POGLUT1: variants seen among roughly 807,000 people sequenced by gnomAD.
POGLUT1 encodes protein O-glucosyltransferase 1, also known as 9630046K23Rik.
A neutral mutation model predicts 61.3 loss-of-function variants in POGLUT1; 32 were observed. The ratio of observed to expected loss-of-function variants is 0.52; its 90% confidence interval spans 0.39 to 0.70. POGLUT1 has a LOEUF of 0.70. Among genes scored for constraint, POGLUT1 ranks in the 30% least tolerant of loss-of-function variants. POGLUT1 has a pLI of 0.00. For synonymous variants in POGLUT1, 158 were observed against 158.2 expected (o/e 1.00, Z 0.01); for missense variants, 411 against 469.8 (o/e 0.87, Z 1.16).
At chr3:119,470,374 G>T (rs535096393) in intron 2 of POGLUT1, among the ~76,000 whole-genome samples, 1 of 152,086 alleles carries the variant, frequency 6.6e-6, no homozygotes, top group Non-Finnish European at 1.5e-5. Context: ...TCAGAATTTC[G>T]AGACCAGCCT....
chr3:119,488,646 AAAG>A (rs1339116573), intron 7 of POGLUT1: 4 of 239,004 alleles, frequency 1.7e-5, no homozygotes, highest in African/African-American at 8.9e-5. Flanking sequence ...ATCTGAATTC[AAAG>A]GAGGGCAACA....
Position 119,492,529 on chromosome 3 carries a change from T to G in POGLUT1, c.*91T>G. The stretch of plus-strand genomic sequence containing the variant: ...TACCATAAGCTTGGCACCTATACCT[T>G]GAATATCTGCTATCAAGCCAAATAC... On this transcript the variant is annotated 3_prime_UTR_variant, in exon 11 of 11. Coordinates refer to ENST00000295588, the MANE Select transcript of POGLUT1 (RefSeq NM_152305.3). The G allele has an allele frequency of 1.3e-6, 1 of 776,746 alleles. No homozygotes were observed. The highest frequency in any genetic ancestry group is 2.0e-6 in the Non-Finnish European group (1 of 507,906). 48.1% of individuals were successfully genotyped at this position (776,746 alleles called of 1,614,324 possible).
chr3:119,477,359 C>T lies in POGLUT1; in HGVS notation c.367C>T (p.Pro123Ser). 2 of 1,613,998 alleles carry T rather than the reference C, an allele frequency of 1.2e-6. No individual in the cohort carries two copies. The highest frequency in any genetic ancestry group is 2.2e-5 in the South Asian group (2 of 91,086). Residue 123 changes from proline (P) to serine (S), a missense_variant, in exon 4 of 11, where the codon CCT becomes TCT. Coordinates refer to ENST00000295588, the MANE Select transcript of POGLUT1 (RefSeq NM_152305.3). Reference sequence around the variant, plus strand: ...TATTTTGGAAGTGATCGGGCGTCTCCCTGACATGGAGATGGTGATCAATGT... The same window carrying T: ...TATTTTGGAAGTGATCGGGCGTCTCTCTGACATGGAGATGGTGATCAATGT... Reference protein sequence around the residue: ...HFILEVIGRLPDMEMVINVRD... With the variant: ...HFILEVIGRLSDMEMVINVRD...
chr3:119,475,081 C>T (rs554254026), intron 3 of POGLUT1, among the ~76,000 whole-genome samples: 33 of 152,146 alleles, frequency 2.2e-4, no homozygotes, highest in African/African-American at 6.7e-4. Context: ...GTTTCTCTTC[C>T]ACCTCAGACC....
Position 119,490,706 on chromosome 3 carries a change from T to C in POGLUT1, c.953T>C (p.Leu318Pro). 1.2e-6 allele frequency: 2 copies of C among 1,613,728 alleles called. No individual in the cohort carries two copies. Among genetic ancestry groups the C allele is most frequent in the African/African-American group, 1.3e-5 (1 of 75,018 alleles). Residue 318 changes from leucine to proline, a missense_variant, in exon 9 of 11, where the codon CTC (leucine) becomes CCC (proline). Coordinates refer to ENST00000295588, the MANE Select transcript of POGLUT1 (RefSeq NM_152305.3). ...WVHYIPVKTD[L>P]SNVQELLQFV... The stretch of plus-strand genomic sequence containing the variant: ...CACTATATCCCAGTCAAAACAGATC[T>C]CTCCAATGTCCAGTAAGCAGTTATC...
chr3:119,469,187 C>T (rs995476367), intron 1 of POGLUT1, 81 bp downstream of exon 1: 1 of 1,155,098 alleles, frequency 8.7e-7, no homozygotes, highest in African/African-American at 1.5e-5. Context: ...GCGCGGCCGG[C>T]TCCCGGGAAG....
intron 9 of POGLUT1, among the ~76,000 whole-genome samples, chr3:119,491,096 G>A (rs2081738668): frequency 6.6e-6 from 1 of 151,110 alleles, no homozygotes. Context: ...CATGACAGGA[G>A]GAGCTAGGAA....
chr3:119,486,974 TCTCA>T, intron 7 of POGLUT1, 42 bp downstream of exon 7: 14 of 1,281,706 alleles, frequency 1.1e-5, no homozygotes, highest in Non-Finnish European at 1.6e-5. Context: ...CAGTGAACAT[TCTCA>T]CTCAAAGAAC....
In POGLUT1 at chr3:119,480,138, G is replaced by A. The variant is rs903353097; in HGVS notation, c.544G>A (p.Gly182Arg). ...AVWPIYPTGL[G>R]RWDLFREDLV... ...TTGGCCAATTTATCCTACAGGTCTTGGACGGTGGGACCTCTTCAGAGAAGA... is the reference window on the plus strand; with the variant it reads ...TTGGCCAATTTATCCTACAGGTCTTAGACGGTGGGACCTCTTCAGAGAAGA... Residue 182 changes from glycine to arginine, a missense_variant, in exon 5 of 11, where the codon GGA (glycine) becomes AGA (arginine). By Grantham distance (125) the Gly-to-Arg change is moderately radical (BLOSUM62 -2). Coordinates refer to ENST00000295588, the MANE Select transcript of POGLUT1 (RefSeq NM_152305.3). The A allele has an allele frequency of 2.5e-6, 4 of 1,608,952 alleles. No individual in the cohort carries two copies. Among genetic ancestry groups the A allele is most frequent in the East Asian group, 2.2e-5 (1 of 44,802 alleles).
rs577992054 is a variant in POGLUT1 at position 119,477,243 on chromosome 3, A to C, written c.321-70A>C. On this transcript the variant is annotated intron_variant, in intron 3 of 10. Transcript: ENST00000295588. The stretch of plus-strand genomic sequence containing the variant: ...TGGCTTGTCTTACTTTAAAATGTGA[A>C]TGGGACCTCGCCTTGTCCTAGAGCC... 2.4e-5 allele frequency: 36 copies of C among 1,471,894 alleles called. No homozygotes were observed. The South Asian group carries it at 3.6e-4, about 15-fold the overall frequency. 91.2% of individuals were successfully genotyped at this position (1,471,894 alleles called of 1,614,324 possible).
chr3:119,485,249 A>AAT (rs1302114758), intron 5 of POGLUT1, 79 bp from the exon 6 acceptor site: 1 of 895,988 alleles, frequency 1.1e-6, no homozygotes, highest in Non-Finnish European at 1.8e-6. Flanking sequence ...GCTCTGAACT[A>AAT]ATCTTCAGAA....
At chr3:119,473,087 C>T (rs953276969) in intron 3 of POGLUT1, among the ~76,000 whole-genome samples, 2 of 152,150 alleles carry the variant, frequency 1.3e-5, no homozygotes, top group African/African-American at 4.8e-5. Context: ...TAATATCTCA[C>T]TACCCTGAGG....
intron 3 of POGLUT1, among the ~76,000 whole-genome samples, chr3:119,475,811 CAA>C (rs570304235): frequency 8.1e-6 from 1 of 122,996 alleles, no homozygotes; most frequent in African/African-American, 3.0e-5. Context: ...GGCTCCATCT[CAA>C]AAAAAAAAAA....
chr3:119,469,039 C>T lies in POGLUT1; in HGVS notation c.18C>T (p.Ser6=), dbSNP rs768892647. MEWWA[S]SPLRLWLLLF... is the part of the protein sequence containing the mutation. Reference sequence around the variant, plus strand: ...TGCCGGCGATGGAGTGGTGGGCTAGCTCGCCGCTTCGGCTCTGGCTGCTGT... The same window carrying T: ...TGCCGGCGATGGAGTGGTGGGCTAGTTCGCCGCTTCGGCTCTGGCTGCTGT... Residue 6 remains serine, a synonymous_variant, in exon 1 of 11, where the codon AGC becomes AGT. Coordinates refer to ENST00000295588, the MANE Select transcript of POGLUT1 (RefSeq NM_152305.3). 55 of 1,608,880 alleles carry T rather than the reference C, an allele frequency of 3.4e-5. 1 individual carries two copies. The South Asian group carries it at 6.0e-4, about 17-fold the overall frequency.
intron 3 of POGLUT1, among the ~76,000 whole-genome samples, chr3:119,476,339 C>T (rs773661884): frequency 6.6e-6 from 1 of 152,034 alleles, no homozygotes; most frequent in Non-Finnish European, 1.5e-5. Flanking sequence ...AAATTGGTAT[C>T]TAGTTTCATT....
Position 119,492,351 on chromosome 3 carries a change from T to A in POGLUT1, c.1092T>A (p.Ser364Arg). Residue 364 changes from serine (S) to arginine (R), a missense_variant, in exon 11 of 11, where the codon AGT becomes AGA. Transcript: ENST00000295588. Reference protein sequence around the residue: ...DITCYWENLLSEYSKFLSYNV... With the variant: ...DITCYWENLLREYSKFLSYNV... ...CCTGTTACTGGGAGAACCTCTTGAG[T>A]GAATACTCTAAATTCCTGTCTTATA... 1.2e-6 allele frequency: 2 copies of A among 1,609,362 alleles called. No homozygotes were observed. The highest frequency in any genetic ancestry group is 1.7e-6 in the Non-Finnish European group (2 of 1,176,136).
Position 119,488,984 on chromosome 3 carries a change from A to G in POGLUT1, c.794A>G (p.Tyr265Cys). 5.1e-6 allele frequency: 8 copies of G among 1,563,276 alleles called. No homozygotes were observed. Among genetic ancestry groups the G allele is most frequent in the Non-Finnish European group, 7.0e-6 (8 of 1,137,816 alleles). Reference protein sequence around the residue: ...KDVHLVDHCKYKYLFNFRGVA... With the variant: ...KDVHLVDHCKCKYLFNFRGVA... Reference sequence around the variant, plus strand: ...GTCCATCTTGTGGATCACTGCAAATACAAGTAAGATTTGCAGGACTCCTCA... The same window carrying G: ...GTCCATCTTGTGGATCACTGCAAATGCAAGTAAGATTTGCAGGACTCCTCA... Residue 265 changes from tyrosine (Y) to cysteine (C), a missense_variant, in exon 8 of 11, where the codon TAC (tyrosine) becomes TGC (cysteine). Tyr to Cys is a radical substitution (Grantham distance 194, BLOSUM62 -2). Coordinates refer to ENST00000295588, the MANE Select transcript of POGLUT1 (RefSeq NM_152305.3).
chr3:119,469,203 G>A (rs1315775397), intron 1 of POGLUT1, 97 bp downstream of exon 1: 2 of 954,408 alleles, frequency 2.1e-6, no homozygotes, highest in Non-Finnish European at 3.2e-6. Context: ...GGAAGATGCC[G>A]TGGCCGCTGT....
chr3:119,487,001 G>A (rs1322322006), intron 7 of POGLUT1, 69 bp downstream of exon 7: 1 of 1,026,076 alleles, frequency 9.7e-7, no homozygotes, highest in Non-Finnish European at 1.5e-6. Flanking sequence ...TGCCACCTGG[G>A]TAGAATTTGA....
Sources: allele counts gnomAD v4.1 joint callset (sites outside exome capture counted in the v4.1 genomes callset), GRCh38; gene constraint gnomAD v4.1.1; transcripts MANE v1.5; gene names NCBI Gene and HGNC (gene_info 2026-07-23, HGNC 2026-07-21).